SERPINB7: variants seen among roughly 807,000 people sequenced by gnomAD.
SERPINB7 encodes the protein serpin family B member 7.
Under a neutral mutation model 37.4 loss-of-function variants are expected in SERPINB7, and 31 were observed. The ratio of observed to expected loss-of-function variants is 0.83; its 90% CI spans 0.62 to 1.12. SERPINB7 has a LOEUF of 1.12. Ranked by LOEUF, SERPINB7 falls within the 50% of genes most tolerant of loss-of-function variation. The probability of loss-of-function intolerance (pLI) is 0.00; values close to 1 mark genes in which losing one functional copy is unlikely to be tolerated. For missense variants in SERPINB7, 521 were observed against 455.3 expected (o/e 1.14, Z -1.31); for synonymous variants, 163 against 166.1 (o/e 0.98, Z 0.14).
chr18:63,778,392 G>A (rs1230762053), intron 1 of SERPINB7, among the ~76,000 whole-genome samples: 1 of 151,690 alleles, frequency 6.6e-6, no homozygotes, highest in Non-Finnish European at 1.5e-5. Flanking sequence ...CACATTCAAG[G>A]GATTATTCAT....
chr18:63,799,690 C>A (rs1300252583), intron 6 of SERPINB7, among the ~76,000 whole-genome samples: 2 of 152,190 alleles, frequency 1.3e-5, no homozygotes, highest in African/African-American at 4.8e-5. Flanking sequence ...CCATGTGTAT[C>A]AGGCTCAATT....
chr18:63,789,354 C>A (rs1432327684), intron 2 of SERPINB7, among the ~76,000 whole-genome samples: 1 of 152,046 alleles, frequency 6.6e-6, no homozygotes, highest in African/African-American at 2.4e-5. Flanking sequence ...TTTTGGGAGC[C>A]CTGAGAGACA....
In SERPINB7 at chr18:63,779,754, T is replaced by G. The variant is rs1419239957; in HGVS notation, c.-18-2601T>G. 1.4e-4 allele frequency among the ~76,000 whole-genome samples: 21 copies of G among 152,094 alleles called. 1 individual carries two copies. Among genetic ancestry groups the G allele is most frequent in the Admixed American group, 1.4e-3 (21 of 15,266 alleles). On this transcript the variant is annotated intron_variant, in intron 1 of 7. Transcript: ENST00000398019. The stretch of plus-strand genomic sequence containing the variant: ...TCTCTTTTGTTCAATAAGATTATAA[T>G]TTCATCAATAATTTACCATGGAAAT...
intron 1 of SERPINB7, among the ~76,000 whole-genome samples, chr18:63,760,480 G>A (rs972710602): frequency 2.6e-5 from 4 of 152,218 alleles, no homozygotes; most frequent in Non-Finnish European, 5.9e-5. Flanking sequence ...AGAAATTCAA[G>A]CTGGCTGCAG....
chr18:63,777,879 GACACACACACACACAC>G (rs67119027), intron 1 of SERPINB7: 329 of 131,296 alleles, frequency 2.5e-3, no homozygotes, highest in Middle Eastern at 7.4e-3. Flanking sequence ...TTTGAAAAAA[GACACACACACACACAC>G]ACACACACAC....
At chr18:63,758,872 C>T (rs1320419306) in intron 1 of SERPINB7, among the ~76,000 whole-genome samples, 2 of 152,224 alleles carry the variant, frequency 1.3e-5, no homozygotes, top group South Asian at 2.1e-4. Context: ...GCGTGAAGAG[C>T]AAGAACTGTG....
intron 1 of SERPINB7, chr18:63,778,004 C>T (rs1000411050): frequency 6.6e-6 from 1 of 151,858 alleles, no homozygotes; most frequent in Non-Finnish European, 1.5e-5. Flanking sequence ...ACATCCAGAT[C>T]GGATAATGGT....
rs774625867 is a variant in SERPINB7, at chr18:63,796,392, T to C, written c.454+9T>C. 13 of 1,392,274 alleles carry C rather than the reference T, an allele frequency of 9.3e-6. 1 individual carries two copies. The East Asian group carries it at 3.0e-4, about 32-fold the overall frequency. 86.2% of individuals were successfully genotyped at this position (1,392,274 alleles called of 1,614,324 possible). On this transcript the variant is annotated intron_variant, in intron 5 of 7. Coordinates refer to ENST00000398019, the MANE Select transcript of SERPINB7 (RefSeq NM_003784.4). ...TGAAAATGAAACACATGGTGAGTAT[T>C]GAAATACCCTATTTTTCTACAAGAT...
intron 1 of SERPINB7, chr18:63,778,058 T>A (rs1024083673): frequency 6.6e-6 from 1 of 152,062 alleles, no homozygotes; most frequent in Non-Finnish European, 1.5e-5. Context: ...TATGACTGAT[T>A]TAAGTGGTGT....
chr18:63,797,544 T>C (rs939022746), intron 5 of SERPINB7, among the ~76,000 whole-genome samples: 1 of 152,228 alleles, frequency 6.6e-6, no homozygotes, highest in African/African-American at 2.4e-5. Context: ...TCCTTTCTCA[T>C]GTAAATCTAT....
At chr18:63,775,055 G>A (rs2049235099), upstream of SERPINB7, among the ~76,000 whole-genome samples, 2 of 152,072 alleles carry the variant, frequency 1.3e-5, 1 homozygote, top group Non-Finnish European at 2.9e-5. Context: ...GCAATAAAAT[G>A]GCACCCTAAA....
intron 2 of SERPINB7, among the ~76,000 whole-genome samples, chr18:63,783,236 A>AGAGAGAGAGAG (rs2049328748): frequency 3.2e-5 from 2 of 61,846 alleles, no homozygotes; most frequent in African/African-American, 4.9e-5. Flanking sequence ...GAGAGAGAGA[A>AGAGAGAGAGAG]AGAAAGAAAG....
chr18:63,766,245 A>T (rs2144590214), intron 1 of SERPINB7, among the ~76,000 whole-genome samples: 1 of 152,324 alleles, frequency 6.6e-6, no homozygotes, highest in South Asian at 2.1e-4. Context: ...TAAACTGGGC[A>T]CAATGGCTTC....
intron 2 of SERPINB7, among the ~76,000 whole-genome samples, chr18:63,790,210 C>G (rs967205371): frequency 6.6e-6 from 1 of 152,148 alleles, no homozygotes; most frequent in African/African-American, 2.4e-5. Flanking sequence ...TTTCTTTAAA[C>G]TAAGCCCACT....
intron 7 of SERPINB7, 34 bp downstream of exon 7, chr18:63,801,046 A>G (rs995541388): frequency 1.2e-6 from 2 of 1,606,036 alleles, no homozygotes; most frequent in Non-Finnish European, 1.7e-6. Flanking sequence ...CTATTGGGAA[A>G]TAAGACTTTT....
intron 7 of SERPINB7, among the ~76,000 whole-genome samples, chr18:63,802,064 C>A (rs2049555647): frequency 6.6e-6 from 1 of 152,110 alleles, no homozygotes; most frequent in Admixed American, 6.5e-5. Flanking sequence ...TAGCCTATGC[C>A]AAATAATGAC....
At chr18:63,792,241 C>G (rs546810047) in intron 2 of SERPINB7, 152 bp from the exon 3 acceptor site, 18 of 547,298 alleles carry the variant, frequency 3.3e-5, no homozygotes, top group Non-Finnish European at 5.8e-5. Flanking sequence ...CATTCAGAGT[C>G]ATGGGGAGAA....
chr18:63,786,109 G>A (rs7228345), intron 2 of SERPINB7, among the ~76,000 whole-genome samples: 3 of 95,174 alleles, frequency 3.2e-5, no homozygotes, highest in African/African-American at 1.2e-4. Flanking sequence ...GTATATATAT[G>A]TATATATGTA....
At chr18:63,761,392 C>T (rs141668966) in intron 1 of SERPINB7, among the ~76,000 whole-genome samples, 1,615 of 152,262 alleles carry the variant, frequency 0.011, 21 homozygotes, top group African/African-American at 0.034. Context: ...GGCTCATAGA[C>T]AGAAGGGACT....
Sources: gnomAD v4.1 joint callset for allele counts (sites outside exome capture counted in the v4.1 genomes callset) on GRCh38, gnomAD v4.1.1 for gene constraint, MANE v1.5 for transcripts, NCBI Gene and HGNC (gene_info 2026-07-23, HGNC 2026-07-21) for gene names.